The following CDH18 variants were observed in gnomAD, a reference collection of about 807,000 sequenced individuals.
CDH18 encodes the protein cadherin 18.
A neutral mutation model predicts 67.9 loss-of-function variants in CDH18; 31 were observed. That is an observed-to-expected ratio of 0.46 (90% CI 0.34 to 0.62). The LOEUF is 0.62. Ranked by LOEUF, CDH18 falls within the 20% of genes least tolerant of loss-of-function variation. The pLI, the probability that CDH18 is intolerant of heterozygous loss-of-function variation, is 0.01. For synonymous variants in CDH18, 362 were observed against 347.2 expected (o/e 1.04, Z -0.48); for missense variants, 890 against 975.5 (o/e 0.91, Z 1.17).
chr5:20,011,333 A>G (rs1737418742), intron 2 of CDH18, among the ~76,000 whole-genome samples: 1 of 152,190 alleles, frequency 6.6e-6, no homozygotes, highest in African/African-American at 2.4e-5. Context: ...AAAGTTTCTT[A>G]TCAGCTTAAG....
intron 1 of CDH18, among the ~76,000 whole-genome samples, chr5:20,278,027 A>G (rs769585023): frequency 7.2e-5 from 11 of 152,180 alleles, no homozygotes; most frequent in Admixed American, 2.0e-4. Context: ...TCTAGAAAAT[A>G]GCCTAAAAAA....
At chr5:19,801,587 T>A (rs897639266) in intron 3 of CDH18, among the ~76,000 whole-genome samples, 1 of 152,234 alleles carries the variant, frequency 6.6e-6, no homozygotes, top group African/African-American at 2.4e-5. Context: ...GATTCTATCA[T>A]CCAAACAAGG....
At chr5:20,306,522 AATGGCTGCAT>A (rs55936392) in intron 1 of CDH18, among the ~76,000 whole-genome samples, 64,026 of 151,740 alleles carry the variant, frequency 0.42, 15,595 homozygotes, top group Middle Eastern at 0.61. Context: ...TGCCTCAACA[AATGGCTGCAT>A]ATGTTAATCA....
At chr5:19,775,418 G>A (rs912568538) in intron 3 of CDH18, among the ~76,000 whole-genome samples, 3 of 152,076 alleles carry the variant, frequency 2.0e-5, no homozygotes, top group Non-Finnish European at 4.4e-5. Flanking sequence ...CTGTGGATGC[G>A]GAATCTGTTA....
At chr5:20,104,044 T>C (rs1746707508) in intron 2 of CDH18, among the ~76,000 whole-genome samples, 1 of 150,854 alleles carries the variant, frequency 6.6e-6, no homozygotes, top group African/African-American at 2.4e-5. Flanking sequence ...AATATGACTA[T>C]AGATGGTTAT....
At chr5:20,196,377 A>C (rs1480406507) in intron 2 of CDH18, among the ~76,000 whole-genome samples, 1 of 152,200 alleles carries the variant, frequency 6.6e-6, no homozygotes, top group African/African-American at 2.4e-5. Flanking sequence ...ACTGAGGCAC[A>C]GAGATATCAA....
intron 2 of CDH18, among the ~76,000 whole-genome samples, chr5:20,125,832 C>T (rs1034872218): frequency 1.3e-5 from 2 of 152,134 alleles, no homozygotes; most frequent in Middle Eastern, 3.4e-3. Flanking sequence ...TCCAAGGACT[C>T]AATACCACAA....
At chr5:20,214,257 C>T (rs115747874) in intron 2 of CDH18, among the ~76,000 whole-genome samples, 3 of 151,940 alleles carry the variant, frequency 2.0e-5, no homozygotes, top group Admixed American at 2.0e-4. Flanking sequence ...ATTTAAATGG[C>T]CATACTGTCC....
chr5:19,748,626 C>A (rs79629310), intron 3 of CDH18, among the ~76,000 whole-genome samples: 6,117 of 152,148 alleles, frequency 0.04, 385 homozygotes, highest in African/African-American at 0.14. Flanking sequence ...ATTTCTGACA[C>A]GTAGAAACAT....
chr5:20,062,484 C>G (rs1300789450), intron 2 of CDH18, among the ~76,000 whole-genome samples: 1 of 152,004 alleles, frequency 6.6e-6, no homozygotes, highest in Non-Finnish European at 1.5e-5. Context: ...TGAGTGCTGC[C>G]TTAGAAAACA....
At chr5:20,396,630 T>C (rs959125265) in intron 1 of CDH18, among the ~76,000 whole-genome samples, 3 of 138,430 alleles carry the variant, frequency 2.2e-5, no homozygotes, top group East Asian at 4.0e-4. Flanking sequence ...TCACAAACAT[T>C]AGATTGGATA....
In CDH18 at chr5:20,197,203, G is replaced by T. The variant is rs527536784; in HGVS notation, c.-518+58241C>A. Among the ~76,000 whole-genome samples, 18 of 152,072 alleles carry T rather than the reference G, an allele frequency of 1.2e-4. No individual in the cohort carries two copies. The East Asian group carries it at 3.3e-3, about 28-fold the overall frequency. On this transcript the variant is annotated intron_variant, in intron 2 of 14. Coordinates refer to the CDH18 transcript ENST00000507958. Reference sequence around the variant, plus strand: ...ATTATTTGTATTTTAGTAGAGATGGGGTTTCACCATGTTCCCCAGGCTGGT... The same window carrying T: ...ATTATTTGTATTTTAGTAGAGATGGTGTTTCACCATGTTCCCCAGGCTGGT...
chr5:20,295,872 C>CTTTTT (rs35024141), intron 1 of CDH18, among the ~76,000 whole-genome samples: 2 of 109,978 alleles, frequency 1.8e-5, no homozygotes, highest in African/African-American at 3.3e-5. Context: ...TCTTTTTTTT[C>CTTTTT]TTTTTTTTTT....
At chr5:20,247,839 G>GT (rs1376564656) in intron 2 of CDH18, among the ~76,000 whole-genome samples, 3 of 151,560 alleles carry the variant, frequency 2.0e-5, no homozygotes. Context: ...ACTCTGATTT[G>GT]TCAATAATAG....
intron 2 of CDH18, among the ~76,000 whole-genome samples, chr5:20,182,597 C>CAAAAAAAAAAAAAAAAAAA (rs778083062): frequency 2.1e-5 from 1 of 47,426 alleles, no homozygotes; most frequent in Non-Finnish European, 4.2e-5. Context: ...AGCTAAATCT[C>CAAAAAAAAAAAAAAAAAAA]AAAAAAAAAA....
chr5:20,379,673 A>G (rs1378190718), intron 1 of CDH18, among the ~76,000 whole-genome samples: 1 of 152,160 alleles, frequency 6.6e-6, no homozygotes, highest in Non-Finnish European at 1.5e-5. Context: ...CCTTAAAATT[A>G]CTTAAATGTC....
At chr5:20,575,153 CA>C (rs796472612) in intron 1 of CDH18, among the ~76,000 whole-genome samples, 4 of 151,930 alleles carry the variant, frequency 2.6e-5, no homozygotes, top group South Asian at 2.1e-4. Context: ...AAGGTTGTCA[CA>C]AAAAAATGTA....
At chr5:20,281,840 C>T (rs1746302235) in intron 1 of CDH18, among the ~76,000 whole-genome samples, 1 of 152,148 alleles carries the variant, frequency 6.6e-6, no homozygotes, top group Admixed American at 6.5e-5. Flanking sequence ...TCTTCCTACC[C>T]ATGAGCATGG....
At chr5:20,247,974 G>A (rs534977607) in intron 2 of CDH18, among the ~76,000 whole-genome samples, 5 of 151,958 alleles carry the variant, frequency 3.3e-5, no homozygotes, top group South Asian at 2.1e-4. Flanking sequence ...AGACTATACC[G>A]CTAAAATATC....
Sources: allele counts gnomAD v4.1 joint callset (sites outside exome capture counted in the v4.1 genomes callset), GRCh38; gene constraint gnomAD v4.1.1; transcripts MANE v1.5; gene names NCBI Gene and HGNC (gene_info 2026-07-23, HGNC 2026-07-21).